The following SLC25A13 variants were observed in gnomAD, a reference collection of about 807,000 sequenced individuals.
SLC25A13 encodes solute carrier family 25 member 13, also known as electrogenic aspartate/glutamate antiporter SLC25A13, mitochondrial.
In SLC25A13, 70 loss-of-function variants were observed where a neutral mutation model predicts 85.5. That is an observed-to-expected ratio of 0.82 (90% CI 0.68 to 1.00). The LOEUF (loss-of-function observed/expected upper bound fraction) is 1.00. Ranked by LOEUF, SLC25A13 falls within the 50% of genes least tolerant of loss-of-function variation. The pLI, the probability that SLC25A13 is intolerant of heterozygous loss-of-function variation, is 0.00. For synonymous variants in SLC25A13, 259 were observed against 288.7 expected (o/e 0.90, Z 1.04); for missense variants, 765 against 819.8 (o/e 0.93, Z 0.82).
At chr7:96,263,555 C>A (rs528851486) in intron 3 of SLC25A13, among the ~76,000 whole-genome samples, 1 of 152,072 alleles carries the variant, frequency 6.6e-6, no homozygotes, top group Non-Finnish European at 1.5e-5. Context: ...CTAACCCCCA[C>A]CCATTCAAAT....
intron 11 of SLC25A13, among the ~76,000 whole-genome samples, chr7:96,174,303 C>T (rs1794129846): frequency 6.6e-6 from 1 of 152,112 alleles, no homozygotes; most frequent in African/African-American, 2.4e-5. Flanking sequence ...TGAGCTGAGG[C>T]AGCATATGAG....
At chr7:96,140,397 CTTTTTTTTTTTTTTT>C (rs59863233) in intron 14 of SLC25A13, among the ~76,000 whole-genome samples, 1 of 88,128 alleles carries the variant, frequency 1.1e-5, no homozygotes, top group Non-Finnish European at 2.0e-5. Context: ...CAAGGATCTC[CTTTTTTTTTTTTTTT>C]TTTTTTTTTT....
chr7:96,294,491 C>T (rs887766858), intron 2 of SLC25A13, among the ~76,000 whole-genome samples: 4 of 151,898 alleles, frequency 2.6e-5, no homozygotes, highest in African/African-American at 9.7e-5. Context: ...TGCCTATAAT[C>T]CCAGCTACTC....
chr7:96,252,837 T>C (rs1435040594), intron 3 of SLC25A13, among the ~76,000 whole-genome samples: 6 of 152,140 alleles, frequency 3.9e-5, no homozygotes, highest in African/African-American at 7.2e-5. Context: ...GTCACACCTG[T>C]AATCCCAGCA....
intron 14 of SLC25A13, among the ~76,000 whole-genome samples, chr7:96,143,083 A>G (rs17167378): frequency 0.021 from 3,271 of 152,324 alleles, 120 homozygotes; most frequent in African/African-American, 0.076. Flanking sequence ...AAACTTTTCA[A>G]CAGTGCTTGA....
chr7:96,239,060 T>C, intron 3 of SLC25A13, among the ~76,000 whole-genome samples: 1 of 145,922 alleles, frequency 6.9e-6, no homozygotes, highest in East Asian at 2.0e-4. Flanking sequence ...TATATATATA[T>C]ATATATATGT....
chr7:96,276,726 A>T (rs1236851202), intron 3 of SLC25A13, among the ~76,000 whole-genome samples: 1 of 152,210 alleles, frequency 6.6e-6, no homozygotes, highest in East Asian at 1.9e-4. Context: ...TTGATTCTAT[A>T]TGGTACAGTT....
intron 13 of SLC25A13, among the ~76,000 whole-genome samples, chr7:96,168,980 C>T (rs911786347): frequency 6.6e-6 from 1 of 152,094 alleles, no homozygotes; most frequent in African/African-American, 2.4e-5. Context: ...ACATTAAAGG[C>T]TCCTTTTTTT....
intron 2 of SLC25A13, among the ~76,000 whole-genome samples, chr7:96,286,642 GT>G (rs1229856586): frequency 2.0e-5 from 3 of 152,076 alleles, no homozygotes; most frequent in African/African-American, 7.2e-5. Context: ...GGCTTCTGGG[GT>G]TTTTTACACT....
At chr7:96,250,119 G>A (rs1173147098) in intron 3 of SLC25A13, among the ~76,000 whole-genome samples, 2 of 152,048 alleles carry the variant, frequency 1.3e-5, no homozygotes, top group South Asian at 2.1e-4. Context: ...CCCAGGAGGC[G>A]GAGGTTGCAG....
In SLC25A13 at chr7:96,321,770, C is replaced by G. The variant is rs534162591; in HGVS notation, c.15+172G>C. On this transcript the variant is annotated intron_variant, in intron 1 of 17. Transcript: ENST00000265631. ...TCGGTCTCTGCACCGACCGCCTGTG[C>G]TGCCCGGGAGGAGTGGCCCCCTCCC... 1.4e-4 allele frequency among the ~76,000 whole-genome samples: 21 copies of G among 152,368 alleles called. 1 individual carries two copies. Among genetic ancestry groups the G allele is most frequent in the Middle Eastern group, 6.8e-3 (2 of 294 alleles).
chr7:96,121,727 G>T lies in SLC25A13; in HGVS notation c.1769C>A (p.Ser590Ter). 6.2e-7 allele frequency: 1 copy of T among 1,614,170 alleles called. No individual in the cohort carries two copies. The highest frequency in any genetic ancestry group is 8.5e-7 in the Non-Finnish European group (1 of 1,180,034). ...CAGCAAAGTTACACCAAACTGGGGT[G>T]AGGATCGAAATACACGAGCTTTAAA... ...KGAGARVFRS[S>*]PQFGVTLLTY... The change falls in exon 17 of 18, where the codon TCA becomes TAA. Residue 590 changes from serine to a stop codon, truncating the protein, a stop_gained. Transcript: ENST00000265631. LOFTEE classifies it high-confidence loss of function.
At chr7:96,196,661 T>C (rs569142097) in intron 5 of SLC25A13, among the ~76,000 whole-genome samples, 25 of 152,184 alleles carry the variant, frequency 1.6e-4, no homozygotes, top group Non-Finnish European at 3.4e-4. Context: ...TGAGAATACA[T>C]TTCCAACAGC....
rs774295229 is a variant in SLC25A13 at position 96,230,662 on chromosome 7, T to C, written c.328+4140A>G. Among the ~76,000 whole-genome samples the C allele has an allele frequency of 5.9e-5, 9 of 152,334 alleles. No individual in the cohort carries two copies. In the Middle Eastern group the frequency reaches 0.01, roughly 173 times the overall value. ...AAGTAAGGCTGTACACCTACAACTA[T>C]CTGATCTTCAAGAAAACTGACAAAA... On this transcript the variant is annotated intron_variant, in intron 4 of 17. Coordinates refer to ENST00000265631, the MANE Select transcript of SLC25A13 (RefSeq NM_014251.3).
At chr7:96,253,234 G>A (rs1447515549) in intron 3 of SLC25A13, among the ~76,000 whole-genome samples, 3 of 152,084 alleles carry the variant, frequency 2.0e-5, no homozygotes, top group African/African-American at 4.8e-5. Context: ...TCACATGGAA[G>A]GTCTGTTTGC....
intron 3 of SLC25A13, among the ~76,000 whole-genome samples, chr7:96,244,550 G>A (rs1196684244): frequency 6.6e-6 from 1 of 152,176 alleles, no homozygotes; most frequent in African/African-American, 2.4e-5. Flanking sequence ...GGACAAGTTG[G>A]AACAGATATC....
At chr7:96,309,518 G>A (rs955864511) in intron 1 of SLC25A13, 2 of 152,168 alleles carry the variant, frequency 1.3e-5, no homozygotes, top group African/African-American at 4.8e-5. Context: ...TTAGAAAAAG[G>A]TTTACAACAA....
intron 7 of SLC25A13, among the ~76,000 whole-genome samples, chr7:96,190,213 G>A (rs886787759): frequency 8.0e-5 from 12 of 150,872 alleles, no homozygotes; most frequent in African/African-American, 2.7e-4. Flanking sequence ...GCCTCCCAAG[G>A]AGCTGGAACT....
rs930446554 is a variant in SLC25A13, at chr7:96,189,554, A to C, written c.848+27T>G. ...ACCTCCTTTTATTAAGCTAATTCCA[A>C]AAAAAAAAAAAAAAAAGCCAACTTA... On this transcript the variant is annotated intron_variant, in intron 8 of 17. Transcript: ENST00000265631. The C allele has an allele frequency of 1.2e-5, 4 of 345,494 alleles. No individual in the cohort carries two copies. The highest frequency in any genetic ancestry group is 8.9e-5 in the African/African-American group (1 of 11,196). 21.4% of individuals were successfully genotyped at this position (345,494 alleles called of 1,614,324 possible).
Sources: gnomAD v4.1 joint callset for allele counts (sites outside exome capture counted in the v4.1 genomes callset) on GRCh38, gnomAD v4.1.1 for gene constraint, MANE v1.5 for transcripts, NCBI Gene and HGNC (gene_info 2026-07-23, HGNC 2026-07-21) for gene names.